Variants in EPC1 observed in about 807,000 individuals in gnomAD.
EPC1 encodes the protein enhancer of polycomb 1, also known as enhancer of polycomb homolog 1.
A neutral mutation model predicts 98.4 loss-of-function variants in EPC1; 12 were observed. The observed-to-expected ratio is 0.12, with a 90% CI of 0.08 to 0.20. The LOEUF (loss-of-function observed/expected upper bound fraction) is 0.20. EPC1 is among the 10% of genes least tolerant of loss of function. EPC1 has a pLI of 1.00. For missense variants in EPC1, 729 were observed against 990.5 expected (o/e 0.74, Z 3.54); for synonymous variants, 357 against 363.9 (o/e 0.98, Z 0.21).
intron 1 of EPC1, among the ~76,000 whole-genome samples, chr10:32,310,332 T>C (rs771653006): frequency 6.6e-6 from 1 of 152,252 alleles, no homozygotes; most frequent in Admixed American, 6.5e-5. Flanking sequence ...AGAGTTTTAT[T>C]ATTTGTAAAT....
chr10:32,309,408 T>C (rs1227050536), intron 1 of EPC1, among the ~76,000 whole-genome samples: 1 of 152,044 alleles, frequency 6.6e-6, no homozygotes, highest in Non-Finnish European at 1.5e-5. Flanking sequence ...TATCTATACC[T>C]ATTATGTACC....
Position 32,268,617 on chromosome 10 carries a change from A to G in EPC1, c.*446T>C, listed in dbSNP as rs927175747. On this transcript the variant is annotated 3_prime_UTR_variant, in exon 14 of 14. Transcript: ENST00000319778. ...CTACAGCACAGGAACCAATGAAGGT[A>G]CAGTGTACAAAAAACTGTAAACACG... The G allele has an allele frequency of 2.0e-5, 3 of 153,118 alleles. No homozygotes were observed. The highest frequency in any genetic ancestry group is 6.5e-5 in the Admixed American group (1 of 15,340). 9.5% of individuals were successfully genotyped at this position (153,118 alleles called of 1,614,324 possible).
intron 1 of EPC1, among the ~76,000 whole-genome samples, chr10:32,361,541 C>G (rs933899383): frequency 6.6e-6 from 1 of 152,184 alleles, no homozygotes; most frequent in Admixed American, 6.5e-5. Context: ...CTTCTTTTCT[C>G]TTTTCTGCAT....
intron 1 of EPC1, among the ~76,000 whole-genome samples, chr10:32,317,887 T>A (rs1836648882): frequency 6.6e-6 from 1 of 152,214 alleles, no homozygotes; most frequent in African/African-American, 2.4e-5. Context: ...AGTTCTGTTA[T>A]TTCTCTTCAG....
chr10:32,323,465 T>C (rs534479752), intron 1 of EPC1, among the ~76,000 whole-genome samples: 2 of 152,240 alleles, frequency 1.3e-5, no homozygotes, highest in African/African-American at 4.8e-5. Flanking sequence ...ATAAATTCTT[T>C]TCTTCTATAT....
chr10:32,338,943 A>C (rs1564555603), intron 1 of EPC1, among the ~76,000 whole-genome samples: 1 of 51,168 alleles, frequency 2.0e-5, no homozygotes, highest in Non-Finnish European at 6.8e-5. Context: ...GTCTCAAAAA[A>C]AATAAATAAA....
At chr10:32,372,191 A>G (rs1306360373) in intron 1 of EPC1, among the ~76,000 whole-genome samples, 3 of 152,106 alleles carry the variant, frequency 2.0e-5, no homozygotes, top group Non-Finnish European at 4.4e-5. Context: ...ATGCCCCACC[A>G]CAGGCCAGCT....
chr10:32,344,468 C>T (rs1487296699), intron 1 of EPC1, among the ~76,000 whole-genome samples: 3 of 152,126 alleles, frequency 2.0e-5, no homozygotes, highest in African/African-American at 7.2e-5. Context: ...ATGTTACAAA[C>T]TATTGATAGC....
intron 1 of EPC1, among the ~76,000 whole-genome samples, chr10:32,318,158 A>G (rs1836665920): frequency 6.6e-6 from 1 of 152,214 alleles, no homozygotes; most frequent in African/African-American, 2.4e-5. Context: ...TACGCTTAGA[A>G]AAGCCGCAAT....
chr10:32,357,397 T>G (rs1331829641), intron 1 of EPC1, among the ~76,000 whole-genome samples: 2 of 152,262 alleles, frequency 1.3e-5, no homozygotes, highest in Non-Finnish European at 2.9e-5. Context: ...TTCAATTGAT[T>G]TATTTATAAT....
At position 32,331,091 on chromosome 10, in the gene EPC1, A is replaced by G. The variant is rs188469378; in HGVS notation, c.153+15672T>C. Among the ~76,000 whole-genome samples, 734 of 152,292 alleles carry G rather than the reference A, an allele frequency of 4.8e-3. 4 individuals carry two copies. Among genetic ancestry groups the G allele is most frequent in the Middle Eastern group, 6.8e-3 (2 of 294 alleles). On this transcript the variant is annotated intron_variant, in intron 1 of 13. Coordinates refer to ENST00000319778, the MANE Select transcript of EPC1 (RefSeq NM_001272004.3). Reference sequence around the variant, plus strand: ...AGGGTATACAGAAAAAAAGACTGCTATTTTCTTTTAAATTGCATTACAAAG... The same window carrying G: ...AGGGTATACAGAAAAAAAGACTGCTGTTTTCTTTTAAATTGCATTACAAAG...
chr10:32,370,882 TCTA>T (rs2133122248), intron 1 of EPC1, among the ~76,000 whole-genome samples: 2 of 152,258 alleles, frequency 1.3e-5, no homozygotes, highest in South Asian at 4.1e-4. Flanking sequence ...ATGATCTGAG[TCTA>T]CTATTAAATA....
At chr10:32,270,869 T>G (rs529662973) in intron 13 of EPC1, among the ~76,000 whole-genome samples, 6 of 139,078 alleles carry the variant, frequency 4.3e-5, no homozygotes, top group Non-Finnish European at 7.7e-5. Context: ...AGCATACCAG[T>G]GATGGGGCAG....
At chr10:32,352,974 G>A (rs774502750) in intron 1 of EPC1, among the ~76,000 whole-genome samples, 9 of 152,036 alleles carry the variant, frequency 5.9e-5, no homozygotes, top group Non-Finnish European at 1.2e-4. Flanking sequence ...TGACCAACAC[G>A]GAGAAACCCT....
rs369343634 is a variant in EPC1, at chr10:32,345,506, C to T, written c.153+1257G>A. 1.2e-5 allele frequency: 12 copies of T among 985,354 alleles called. No homozygotes were observed. In the South Asian group the frequency reaches 4.2e-4, roughly 35 times the overall value. 61.0% of individuals were successfully genotyped at this position (985,354 alleles called of 1,614,324 possible). Reference sequence around the variant, plus strand: ...CAAAATTGTAGCACACAAATCCACGCGACTCCTGGACTTCCTTGAACTGTC... The same window carrying T: ...CAAAATTGTAGCACACAAATCCACGTGACTCCTGGACTTCCTTGAACTGTC... On this transcript the variant is annotated intron_variant, in intron 1 of 13. Transcript: ENST00000319778.
At chr10:32,374,528 A>G (rs986583038) in intron 1 of EPC1, 6 of 152,162 alleles carry the variant, frequency 3.9e-5, no homozygotes, top group African/African-American at 1.4e-4. Context: ...CATCTGTAGC[A>G]TCTATTTGGG....
At chr10:32,352,256 C>G (rs1391478504) in intron 1 of EPC1, among the ~76,000 whole-genome samples, 1 of 150,908 alleles carries the variant, frequency 6.6e-6, no homozygotes, top group Non-Finnish European at 1.5e-5. Context: ...ACTGTGTTAG[C>G]CAGGATGGTC....
upstream of EPC1, among the ~76,000 whole-genome samples, chr10:32,351,232 A>T (rs1302701839): frequency 6.6e-6 from 1 of 152,204 alleles, no homozygotes; most frequent in Non-Finnish European, 1.5e-5. Context: ...CCCATTAGAT[A>T]AAGCCAAATT....
chr10:32,308,428 T>C (rs183833302), intron 1 of EPC1, among the ~76,000 whole-genome samples: 1 of 151,496 alleles, frequency 6.6e-6, no homozygotes, highest in Non-Finnish European at 1.5e-5. Flanking sequence ...TATTAGTTGG[T>C]CAGAAAATGA....
Sources: allele counts gnomAD v4.1 joint callset (sites outside exome capture counted in the v4.1 genomes callset), GRCh38; gene constraint gnomAD v4.1.1; transcripts MANE v1.5; gene names NCBI Gene and HGNC (gene_info 2026-07-23, HGNC 2026-07-21).